Variants in HELZ observed in about 807,000 individuals in gnomAD.
HELZ encodes helicase with zinc finger.
Under a neutral mutation model 218.2 loss-of-function variants are expected in HELZ, and 23 were observed. The ratio of observed to expected loss-of-function variants is 0.11; its 90% CI spans 0.08 to 0.15. HELZ has a LOEUF of 0.15. HELZ is among the 10% of genes least tolerant of loss of function. The probability of loss-of-function intolerance (pLI) is 1.00; values close to 1 mark genes in which losing one functional copy is unlikely to be tolerated. For synonymous variants in HELZ, 814 were observed against 829.4 expected (o/e 0.98, Z 0.32); for missense variants, 1,813 against 2,353.7 (o/e 0.77, Z 4.75).
chr17:67,193,150 C>T (rs982818118), intron 9 of HELZ, among the ~76,000 whole-genome samples: 3 of 151,804 alleles, frequency 2.0e-5, no homozygotes, highest in Non-Finnish European at 4.4e-5. Flanking sequence ...CAAAACCAGC[C>T]TGAGCAACAT....
intron 2 of HELZ, among the ~76,000 whole-genome samples, chr17:67,241,737 A>C (rs2041318768): frequency 1.3e-5 from 2 of 152,170 alleles, no homozygotes; most frequent in African/African-American, 2.4e-5. Context: ...TACTCCCAAA[A>C]ACTACAGCCT....
chr17:67,093,315 A>C (rs1309152370), intron 31 of HELZ, among the ~76,000 whole-genome samples: 1 of 152,234 alleles, frequency 6.6e-6, no homozygotes, highest in Non-Finnish European at 1.5e-5. Context: ...AAAGTAAGAA[A>C]AAGTACAAAG....
rs550545130 is a variant in HELZ, at chr17:67,075,209, G to A, written c.*3043C>T. On this transcript the variant is annotated 3_prime_UTR_variant, in exon 33 of 33. Coordinates refer to ENST00000358691, the MANE Select transcript of HELZ (RefSeq NM_014877.4). ...TATCATCCAAAATATCGTCTTTCAG[G>A]TTAAAAAAAAAGAAAATCTCAAGTA... 12 of 151,528 alleles carry A rather than the reference G, an allele frequency of 7.9e-5. No individual in the cohort carries two copies. The highest frequency in any genetic ancestry group is 2.0e-4 in the Admixed American group (3 of 15,248). The allele number at this position is 151,528 out of a possible 1,614,324, so 9.4% of individuals were successfully genotyped here.
At chr17:67,153,054 A>T (rs1156413949) in intron 17 of HELZ, among the ~76,000 whole-genome samples, 1 of 152,184 alleles carries the variant, frequency 6.6e-6, no homozygotes, top group East Asian at 1.9e-4. Flanking sequence ...AAAATTACAG[A>T]TGGAAATCTG....
rs540830325 is a variant in HELZ at position 67,178,433 on chromosome 17, T to C, written c.1430+226A>G. Among the ~76,000 whole-genome samples the C allele has an allele frequency of 1.4e-4, 21 of 152,298 alleles. No individual in the cohort carries two copies. The South Asian group carries it at 3.9e-3, about 29-fold the overall frequency. ...AGCTTGTCCCCTAATAGATGTTTAA[T>C]AAGGTCTTATAGAAATGAACTATGT... On this transcript the variant is annotated intron_variant, in intron 13 of 32. Transcript: ENST00000358691.
chr17:67,220,827 T>TTAATTG (rs2040722972), intron 3 of HELZ, among the ~76,000 whole-genome samples: 1 of 149,442 alleles, frequency 6.7e-6, no homozygotes. Context: ...AAGAAGAAAT[T>TTAATTG]TAATTGTGTT....
chr17:67,091,478 A>C (rs1216322110), intron 31 of HELZ, among the ~76,000 whole-genome samples: 3 of 152,184 alleles, frequency 2.0e-5, no homozygotes, highest in Non-Finnish European at 4.4e-5. Context: ...AAGAAGTTTT[A>C]AATAATCATT....
intron 21 of HELZ, among the ~76,000 whole-genome samples, chr17:67,142,425 T>C (rs891492296): frequency 1.3e-5 from 2 of 152,176 alleles, no homozygotes; most frequent in African/African-American, 4.8e-5. Flanking sequence ...GAAGATCACC[T>C]GAGCCCAGTG....
chr17:67,171,080 G>C (rs950901398), intron 13 of HELZ, among the ~76,000 whole-genome samples: 2 of 141,530 alleles, frequency 1.4e-5, no homozygotes, highest in African/African-American at 5.2e-5. Context: ...TTCTACCTTT[G>C]AACTCCCTCT....
intron 31 of HELZ, among the ~76,000 whole-genome samples, chr17:67,089,668 T>TATATAGAGAGAGAGAGAGAGAG (rs71293575): frequency 1.3e-4 from 9 of 70,640 alleles, no homozygotes; most frequent in Non-Finnish European, 1.8e-4. Flanking sequence ...TATATATATA[T>TATATAGAGAGAGAGAGAGAGAG]AGAGAGAGAG....
At chr17:67,200,871 CTAA>C (rs2040150378) in intron 7 of HELZ, 4 of 397,270 alleles carry the variant, frequency 1.0e-5, no homozygotes, top group Admixed American at 7.9e-5. Flanking sequence ...CCAGAGACAG[CTAA>C]TAAGATACCA....
chr17:67,229,300 C>A (rs2143412432), intron 3 of HELZ, among the ~76,000 whole-genome samples: 1 of 152,316 alleles, frequency 6.6e-6, no homozygotes, highest in Middle Eastern at 3.4e-3. Context: ...GCCTCTGAGA[C>A]TCTGATAACA....
At chr17:67,223,091 CAAAAAAAA>C (rs1170812696) in intron 3 of HELZ, among the ~76,000 whole-genome samples, 1 of 95,158 alleles carries the variant, frequency 1.1e-5, no homozygotes, top group Non-Finnish European at 2.2e-5. Context: ...ACTAAAAATA[CAAAAAAAA>C]AAAAAAAAAA....
rs1275308377 is a variant in HELZ at position 67,178,813 on chromosome 17, T to C, written c.1276A>G (p.Lys426Glu). Residue 426 changes from lysine to glutamate, a missense_variant, in exon 13 of 33, where the codon AAG becomes GAG. Lys to Glu is a moderately conservative substitution (Grantham distance 56, BLOSUM62 1). Coordinates refer to ENST00000358691, the MANE Select transcript of HELZ (RefSeq NM_014877.4). ...FEPNETTDLEKSLLIRYQIPL... is the reference protein window; with the variant it reads ...FEPNETTDLEESLLIRYQIPL... ...ATTTGGTATCTGATAAGAAGGCTCT[T>C]CTCCAAATCAGTAGTTTCATTAGGT... 1 of 1,613,928 alleles carries C rather than the reference T, an allele frequency of 6.2e-7. No homozygotes were observed.
chr17:67,166,554 G>A lies in HELZ; in HGVS notation c.1819C>T (p.Leu607=). ...RLPLCEMHYA[L]DRIKDNGVLF... Reference sequence around the variant, plus strand: ...ACCCCATTGTCCTTGATCCTGTCTAGTGCATAGTGCATTTCACAGAGGGGT... The same window carrying A: ...ACCCCATTGTCCTTGATCCTGTCTAATGCATAGTGCATTTCACAGAGGGGT... Residue 607 remains leucine, a synonymous_variant, in exon 15 of 33, where the codon CTA becomes TTA. Coordinates refer to ENST00000358691, the MANE Select transcript of HELZ (RefSeq NM_014877.4). 2 of 1,612,432 alleles carry A rather than the reference G, an allele frequency of 1.2e-6. No individual in the cohort carries two copies. Among genetic ancestry groups the A allele is most frequent in the Non-Finnish European group, 1.7e-6 (2 of 1,178,536 alleles).
intron 3 of HELZ, chr17:67,225,214 G>A (rs1012251438): frequency 1.3e-5 from 4 of 302,020 alleles, no homozygotes; most frequent in African/African-American, 6.7e-5. Flanking sequence ...TTATATGTAC[G>A]TAATCTAATT....
chr17:67,089,668 T>TAGAGAGAGAGAGAG (rs1555595394), intron 31 of HELZ, among the ~76,000 whole-genome samples: 13 of 70,638 alleles, frequency 1.8e-4, no homozygotes, highest in African/African-American at 5.4e-4. Flanking sequence ...TATATATATA[T>TAGAGAGAGAGAGAG]AGAGAGAGAG....
intron 3 of HELZ, among the ~76,000 whole-genome samples, chr17:67,235,497 T>C (rs1598479242): frequency 2.2e-5 from 3 of 137,798 alleles, no homozygotes; most frequent in African/African-American, 2.8e-5. Context: ...AGAGCGAGAC[T>C]CCCTCACAAA....
At position 67,074,104 on chromosome 17, in the gene HELZ, C is replaced by T. The variant is rs1248177689; in HGVS notation, c.*4148G>A. 2.6e-5 allele frequency: 4 copies of T among 152,042 alleles called. No individual in the cohort carries two copies. Among genetic ancestry groups the T allele is most frequent in the Admixed American group, 2.6e-4 (4 of 15,258 alleles). 9.4% of individuals were successfully genotyped at this position (152,042 alleles called of 1,614,324 possible). A position where few individuals can be genotyped will look rare whatever the true frequency, so the allele number is the denominator to read the frequency against. Reference sequence around the variant, plus strand: ...GCAAAGAGTGGAGACAAATCAGATCCATTAAGACATTTATACCTTGAGATT... The same window carrying T: ...GCAAAGAGTGGAGACAAATCAGATCTATTAAGACATTTATACCTTGAGATT... On this transcript the variant is annotated 3_prime_UTR_variant, in exon 33 of 33. Transcript: ENST00000358691.
Sources: gnomAD v4.1 joint callset for allele counts (sites outside exome capture counted in the v4.1 genomes callset) on GRCh38, gnomAD v4.1.1 for gene constraint, MANE v1.5 for transcripts, NCBI Gene and HGNC (gene_info 2026-07-23, HGNC 2026-07-21) for gene names.